LGI1: variants seen among roughly 807,000 people sequenced by gnomAD.
The protein encoded by LGI1 is leucine-rich glioma-inactivated protein 1.
Under a neutral mutation model 57.7 loss-of-function variants are expected in LGI1, and 11 were observed. The observed-to-expected ratio is 0.19, with a 90% CI of 0.12 to 0.32. The LOEUF (loss-of-function observed/expected upper bound fraction) is 0.32. LGI1 is among the 10% of genes least tolerant of loss of function. The pLI is 1.00. For missense variants in LGI1, 422 were observed against 661.9 expected, an observed-to-expected ratio of 0.64 and a Z score of 3.98; for synonymous variants, 222 against 241.9, an observed-to-expected ratio of 0.92 and a Z score of 0.76.
intron 2 of LGI1, among the ~76,000 whole-genome samples, chr10:93,760,151 A>G (rs1183618866): frequency 6.6e-6 from 1 of 152,236 alleles, no homozygotes; most frequent in African/African-American, 2.4e-5. Context: ...AGTTGTTTTG[A>G]CATTATGTAA....
chr10:93,771,975 C>CAAAAAAAAAA (rs34346449), intron 2 of LGI1: 30 of 123,420 alleles, frequency 2.4e-4, no homozygotes, highest in Middle Eastern at 4.1e-3. Context: ...AACTTTGTTT[C>CAAAAAAAAAA]AAAAAAAAAA....
At chr10:93,794,528 T>A (rs1449148790) in intron 7 of LGI1, 1 of 151,892 alleles carries the variant, frequency 6.6e-6, no homozygotes, top group Non-Finnish European at 1.5e-5. Flanking sequence ...CACGCCCTAA[T>A]AATTTTTTGT....
At position 93,792,881 on chromosome 10, in the gene LGI1, C is replaced by G. The variant is rs375446697; in HGVS notation, c.642C>G (p.Leu214=). 2 of 1,614,098 alleles carry G rather than the reference C, an allele frequency of 1.2e-6. No individual in the cohort carries two copies. The highest frequency in any genetic ancestry group is 1.7e-6 in the Non-Finnish European group (2 of 1,179,998). Residue 214 remains leucine, a synonymous_variant, in exon 6 of 8, where the codon CTC becomes CTG. Transcript: ENST00000371418. ...ACAAGAAGCGCAAAATCAATAGTCT[C>G]TCCTCGAAGGATTTTGATTGCATCA... is the stretch of plus-strand genomic sequence containing the variant. ...PEYKKRKINS[L]SSKDFDCIIT... is the part of the protein sequence containing the mutation.
intron 2 of LGI1, chr10:93,776,952 C>CT (rs962590220): frequency 8.6e-5 from 20 of 232,442 alleles, no homozygotes; most frequent in Non-Finnish European, 1.4e-4. Flanking sequence ...ATGCAGCTTA[C>CT]TTTTTTTTAG....
At chr10:93,795,430 C>A (rs533642459) in intron 7 of LGI1, among the ~76,000 whole-genome samples, 1 of 152,248 alleles carries the variant, frequency 6.6e-6, no homozygotes, top group African/African-American at 2.4e-5. Flanking sequence ...CTAACAGACT[C>A]GCTCAAGCCC....
rs545046825 is a variant in LGI1, at chr10:93,758,558, C to A, written c.215+199C>A. The A allele has an allele frequency of 2.0e-4, 135 of 689,792 alleles. 1 individual carries two copies. The South Asian group carries it at 2.3e-3, about 12-fold the overall frequency. The allele number at this position is 689,792 out of a possible 1,614,324, so 42.7% of individuals were successfully genotyped here. Reference sequence around the variant, plus strand: ...GCTACTGAACATGCTTAGATACCCCCAGCCCTGAACATTATCATGAGAAAC... The same window carrying A: ...GCTACTGAACATGCTTAGATACCCCAAGCCCTGAACATTATCATGAGAAAC... On this transcript the variant is annotated intron_variant, in intron 1 of 7. Coordinates refer to ENST00000371418, the MANE Select transcript of LGI1 (RefSeq NM_005097.4). This position sits in a 1 kb window ranked among gnomAD's most constrained non-coding sequence, Gnocchi z 4.7.
At chr10:93,773,089 CA>C (rs59656970) in intron 2 of LGI1, among the ~76,000 whole-genome samples, 5,486 of 127,980 alleles carry the variant, frequency 0.043, 329 homozygotes, top group African/African-American at 0.14. Flanking sequence ...AAAAAAGAAA[CA>C]AAAAAAAAAA....
rs796052691 is a variant in LGI1 at position 93,792,723 on chromosome 10, A to G, written c.504-20A>G. On this transcript the variant is annotated intron_variant, in intron 5 of 7. Transcript: ENST00000371418. ...GGTAGGGCCCTTGTACAGCAAAAGC[A>G]GCTGAAGTTTGTCTTTCAGGGACCT... 6 of 1,613,342 alleles carry G rather than the reference A, an allele frequency of 3.7e-6. No homozygotes were observed. The Admixed American group carries it at 1.0e-4, about 27-fold the overall frequency.
At position 93,767,344 on chromosome 10, in the gene LGI1, CCTGAAAGAAGAGTTCTGTGCT is replaced by C. The variant is rs572486855; in HGVS notation, c.287+8515_287+8535del. 1.7e-3 allele frequency: 252 copies of C among 152,294 alleles called. 1 individual carries two copies. The highest frequency in any genetic ancestry group is 5.7e-3 in the African/African-American group (236 of 41,562). 9.4% of individuals were successfully genotyped at this position (152,294 alleles called of 1,614,324 possible). A position where few individuals can be genotyped will look rare whatever the true frequency, so the allele number is the denominator to read the frequency against. Reference sequence around the variant, plus strand: ...AACTTGTGTCCTGTGGAGCAGTTGACCTGAAAGAAGAGTTCTGTGCTCAAATAAATTTGGGAAACTGCACGT... The same window carrying C: ...AACTTGTGTCCTGTGGAGCAGTTGACCAAATAAATTTGGGAAACTGCACGT... On this transcript the variant is annotated intron_variant, in intron 2 of 7. Coordinates refer to ENST00000371418, the MANE Select transcript of LGI1 (RefSeq NM_005097.4).
At chr10:93,762,721 C>A (rs983894474) in intron 2 of LGI1, 2 of 151,470 alleles carry the variant, frequency 1.3e-5, no homozygotes, top group African/African-American at 4.9e-5. Context: ...ATCCATAGAT[C>A]TAATCTTTAA....
chr10:93,792,577 C>A, intron 5 of LGI1, 166 bp from the exon 6 acceptor site: 1 of 717,652 alleles, frequency 1.4e-6, no homozygotes, highest in Non-Finnish European at 2.5e-6. Flanking sequence ...GGTGCTAACT[C>A]TCTGAGCCCA....
chr10:93,758,354 C>G lies in LGI1; in HGVS notation c.210C>G (p.Ile70Met). The G allele has an allele frequency of 6.2e-7, 1 of 1,613,778 alleles. No individual in the cohort carries two copies. The highest frequency in any genetic ancestry group is 1.1e-5 in the South Asian group (1 of 91,076). ...CACGCACCGTTCCTCCTGATGTTAT[C>G]TCATTGTAAGGCCCGTAAGCATTTT... The part of the protein sequence containing the change: ...SIPRTVPPDV[I>M]SLSFVRSGFT... Residue 70 changes from isoleucine (I) to methionine (M), a missense_variant, in exon 1 of 8, where the codon ATC (isoleucine) becomes ATG (methionine). Coordinates refer to ENST00000371418, the MANE Select transcript of LGI1 (RefSeq NM_005097.4). The surrounding 1 kb of genome is among the most constrained non-coding windows in gnomAD (Gnocchi z 4.7).
chr10:93,776,262 T>C (rs1304251721), intron 2 of LGI1, among the ~76,000 whole-genome samples: 1 of 149,894 alleles, frequency 6.7e-6, no homozygotes, highest in Non-Finnish European at 1.5e-5. Context: ...CTACCCCCCA[T>C]TCTCCACATT....
At chr10:93,767,857 G>A (rs2059694909) in intron 2 of LGI1, 1 of 152,184 alleles carries the variant, frequency 6.6e-6, no homozygotes, top group South Asian at 2.1e-4. Context: ...AGGCTTCTGA[G>A]TGTGTAAATA....
rs982855467 is a variant in LGI1, at chr10:93,783,340, C to T, written c.431+5723C>T. Reference sequence around the variant, plus strand: ...GCAGTGAGCCGAGATCGCGCCACTGCACTCCAGCTTGGGTGACAGAGCGAG... The same window carrying T: ...GCAGTGAGCCGAGATCGCGCCACTGTACTCCAGCTTGGGTGACAGAGCGAG... On this transcript the variant is annotated intron_variant, in intron 4 of 7. Transcript: ENST00000371418. Among the ~76,000 whole-genome samples, 9 of 152,286 alleles carry T rather than the reference C, an allele frequency of 5.9e-5. No individual in the cohort carries two copies. The South Asian group carries it at 1.2e-3, about 21-fold the overall frequency.
Sources: allele counts gnomAD v4.1 joint callset (sites outside exome capture counted in the v4.1 genomes callset), GRCh38; gene constraint gnomAD v4.1.1; non-coding constraint Gnocchi (gnomAD v3.1); transcripts MANE v1.5; gene names NCBI Gene and HGNC (gene_info 2026-07-23, HGNC 2026-07-21).